RABGAP1L: variants seen among roughly 807,000 people sequenced by gnomAD.
RABGAP1L encodes the protein RAB GTPase activating protein 1 like, also known as rab GTPase-activating protein 1-like.
In RABGAP1L, 63 loss-of-function variants were observed where a neutral mutation model predicts 137.7. That is an observed-to-expected ratio of 0.46 (90% CI 0.37 to 0.56). RABGAP1L has a LOEUF of 0.56. Ranked by LOEUF, RABGAP1L falls within the 20% of genes least tolerant of loss-of-function variation. RABGAP1L has a pLI of 0.00. For missense variants in RABGAP1L, 1,095 were observed against 1,244.0 expected (o/e 0.88, Z 1.80); for synonymous variants, 431 against 433.7 (o/e 0.99, Z 0.08).
At chr1:174,877,570 A>C in intron 19 of RABGAP1L, 1 of 1,613,812 alleles carries the variant, frequency 6.2e-7, no homozygotes, top group East Asian at 2.2e-5. Flanking sequence ...AGACTTCCTC[A>C]CTAGTCTGGT....
chr1:174,214,934 T>G (rs1669173201), intron 1 of RABGAP1L, among the ~76,000 whole-genome samples: 1 of 152,152 alleles, frequency 6.6e-6, no homozygotes, highest in Non-Finnish European at 1.5e-5. Context: ...TGGGCAAAGA[T>G]TTATTGAGTG....
intron 14 of RABGAP1L, among the ~76,000 whole-genome samples, chr1:174,663,773 T>TTTCAA (rs1426760012): frequency 6.6e-6 from 1 of 152,204 alleles, no homozygotes; most frequent in Non-Finnish European, 1.5e-5. Context: ...GATGCACACA[T>TTTCAA]TTCAAGTTCA....
intron 18 of RABGAP1L, among the ~76,000 whole-genome samples, chr1:174,779,367 C>G (rs1176751729): frequency 1.3e-5 from 2 of 152,140 alleles, no homozygotes; most frequent in Non-Finnish European, 2.9e-5. Context: ...AAAATGCCAT[C>G]TTGTTGTTAT....
chr1:174,246,044 T>C (rs1269180479), intron 5 of RABGAP1L: 1 of 152,210 alleles, frequency 6.6e-6, no homozygotes, highest in Non-Finnish European at 1.5e-5. Flanking sequence ...TTATTTATTT[T>C]AAATAAATAC....
intron 1 of RABGAP1L, among the ~76,000 whole-genome samples, chr1:174,195,835 T>TTCTTTCTATC (rs1458663241): frequency 1.2e-3 from 155 of 133,426 alleles, no homozygotes; most frequent in Middle Eastern, 3.6e-3. Context: ...CTATCCTTCT[T>TTCTTTCTATC]CTTCTTTTTT....
chr1:174,475,743 CCTGAGTGACAGA>C (rs1216412457), intron 13 of RABGAP1L, among the ~76,000 whole-genome samples: 18 of 131,344 alleles, frequency 1.4e-4, no homozygotes, highest in Non-Finnish European at 2.3e-4. Flanking sequence ...TGCATTCCAG[CCTGAGTGACAGA>C]CTGAGACCCC....
rs182824607 is a variant in RABGAP1L, at chr1:174,297,598, A to T, written c.1324-7388A>T. Among the ~76,000 whole-genome samples, 190 of 152,186 alleles carry T rather than the reference A, an allele frequency of 1.2e-3. 1 individual carries two copies. The highest frequency in any genetic ancestry group is 4.5e-3 in the African/African-American group (186 of 41,528). ...AACTGCTGTTAGATTAAGGATAAGGACTAAGACCGATCTTAACTGCTTCCT... is the reference window on the plus strand; with the variant it reads ...AACTGCTGTTAGATTAAGGATAAGGTCTAAGACCGATCTTAACTGCTTCCT... On this transcript the variant is annotated intron_variant, in intron 10 of 25. Transcript: ENST00000681986.
intron 13 of RABGAP1L, among the ~76,000 whole-genome samples, chr1:174,439,398 GTTTA>G (rs1653867282): frequency 6.6e-6 from 1 of 152,124 alleles, no homozygotes; most frequent in Admixed American, 6.5e-5. Context: ...ACTTCAGAGG[GTTTA>G]TTTGATTCTT....
chr1:174,283,605 C>T (rs988592426), intron 10 of RABGAP1L, among the ~76,000 whole-genome samples: 160 of 152,048 alleles, frequency 1.1e-3, no homozygotes, highest in African/African-American at 3.6e-3. Flanking sequence ...CTCCCAGGTT[C>T]CAGTGATTCT....
At chr1:174,211,171 A>C (rs1258137315) in intron 1 of RABGAP1L, among the ~76,000 whole-genome samples, 1 of 152,170 alleles carries the variant, frequency 6.6e-6, no homozygotes, top group Non-Finnish European at 1.5e-5. Context: ...GGTAATAGTA[A>C]ATTCACAGAA....
At chr1:174,608,018 G>A (rs1022976694) in intron 13 of RABGAP1L, among the ~76,000 whole-genome samples, 1 of 152,156 alleles carries the variant, frequency 6.6e-6, no homozygotes, top group Non-Finnish European at 1.5e-5. Context: ...TTGATTATGG[G>A]AGTAGTTCCA....
chr1:174,769,251 A>C (rs577493528), intron 18 of RABGAP1L, among the ~76,000 whole-genome samples: 1 of 152,136 alleles, frequency 6.6e-6, no homozygotes, highest in Non-Finnish European at 1.5e-5. Flanking sequence ...CTTGCTGCTG[A>C]TTGGTTGGGG....
intron 13 of RABGAP1L, among the ~76,000 whole-genome samples, chr1:174,522,609 C>T (rs1663520083): frequency 6.6e-6 from 1 of 152,064 alleles, no homozygotes; most frequent in South Asian, 2.1e-4. Flanking sequence ...AGAAAAATAC[C>T]TGAGGCTGTG....
At chr1:174,561,157 A>C (rs1667186162) in intron 13 of RABGAP1L, among the ~76,000 whole-genome samples, 1 of 152,202 alleles carries the variant, frequency 6.6e-6, no homozygotes, top group South Asian at 2.1e-4. Flanking sequence ...CTGATAAGCA[A>C]CTTCAGCAAA....
chr1:174,539,990 T>G lies in RABGAP1L; in HGVS notation c.1711-97385T>G, dbSNP rs192920695. ...ACTTTTTAATGATCGCCATTCTAAC[T>G]GGTATGAAATGGTATCTCATTGTGG... On this transcript the variant is annotated intron_variant, in intron 13 of 25. Coordinates refer to ENST00000681986, the MANE Select transcript of RABGAP1L (RefSeq NM_001366446.1). Among the ~76,000 whole-genome samples, 84 of 152,368 alleles carry G rather than the reference T, an allele frequency of 5.5e-4. 1 individual carries two copies. The East Asian group carries it at 0.012, about 22-fold the overall frequency.
At chr1:174,622,745 C>T (rs957645852) in intron 13 of RABGAP1L, among the ~76,000 whole-genome samples, 6 of 152,244 alleles carry the variant, frequency 3.9e-5, no homozygotes, top group Middle Eastern at 6.8e-3. Flanking sequence ...AGGAAATATA[C>T]CTAATGCTAA....
At chr1:174,649,821 T>G (rs1675309558) in intron 14 of RABGAP1L, among the ~76,000 whole-genome samples, 1 of 152,162 alleles carries the variant, frequency 6.6e-6, no homozygotes, top group African/African-American at 2.4e-5. Flanking sequence ...TGAATACCCT[T>G]TATTTCCTTC....
chr1:174,803,581 A>G (rs1200087139), intron 18 of RABGAP1L, among the ~76,000 whole-genome samples: 5 of 152,172 alleles, frequency 3.3e-5, no homozygotes, highest in African/African-American at 9.7e-5. Context: ...GGATAAAAAT[A>G]GTGAAGATAA....
chr1:174,700,976 G>T, intron 16 of RABGAP1L: 2 of 1,074,642 alleles, frequency 1.9e-6, no homozygotes, highest in Admixed American at 3.4e-5. Context: ...TTTTTTTTCA[G>T]TTAACTGAAT....
Sources: allele counts gnomAD v4.1 joint callset (sites outside exome capture counted in the v4.1 genomes callset), GRCh38; gene constraint gnomAD v4.1.1; transcripts MANE v1.5; gene names NCBI Gene and HGNC (gene_info 2026-07-23, HGNC 2026-07-21).